The following GNA14 variants were observed in gnomAD, a reference collection of about 807,000 sequenced individuals.
GNA14 encodes G protein subunit alpha 14.
In GNA14, 50 loss-of-function variants were observed where a neutral mutation model predicts 42.0. The ratio of observed to expected loss-of-function variants is 1.19; its 90% CI spans 0.95 to 1.51. GNA14 has a LOEUF of 1.51. GNA14 is among the 40% of genes most tolerant of loss of function. The pLI is 0.00. For synonymous variants in GNA14, 173 were observed against 163.1 expected, an observed-to-expected ratio of 1.06 and a Z score of -0.46; for missense variants, 473 against 446.2, an observed-to-expected ratio of 1.06 and a Z score of -0.54.
At chr9:77,642,657 T>C (rs1824286424) in intron 1 of GNA14, among the ~76,000 whole-genome samples, 1 of 152,074 alleles carries the variant, frequency 6.6e-6, no homozygotes, top group Non-Finnish European at 1.5e-5. Context: ...TAATTCCAGC[T>C]ACTTGTGAGG....
chr9:77,454,872 T>C (rs1280803509), intron 2 of GNA14, among the ~76,000 whole-genome samples: 1 of 152,218 alleles, frequency 6.6e-6, no homozygotes, highest in Admixed American at 6.5e-5. Context: ...AATGTTTAGT[T>C]TGGGAAATGC....
At chr9:77,581,545 G>A (rs772327861) in intron 1 of GNA14, among the ~76,000 whole-genome samples, 3 of 152,266 alleles carry the variant, frequency 2.0e-5, no homozygotes, top group East Asian at 1.9e-4. Flanking sequence ...ATCCAAGTCC[G>A]AGACAACTAC....
At chr9:77,487,595 GT>G (rs1241835432) in intron 2 of GNA14, among the ~76,000 whole-genome samples, 1 of 152,150 alleles carries the variant, frequency 6.6e-6, no homozygotes, top group Admixed American at 6.5e-5. Flanking sequence ...CCATGTTGCT[GT>G]TTTAGTTATA....
chr9:77,547,595 G>C (rs1338941448), intron 1 of GNA14, among the ~76,000 whole-genome samples: 2 of 152,114 alleles, frequency 1.3e-5, no homozygotes, highest in Non-Finnish European at 2.9e-5. Context: ...GGAAAAGGCA[G>C]GATGGCACAA....
intron 2 of GNA14, among the ~76,000 whole-genome samples, chr9:77,483,919 T>C (rs986073470): frequency 2.0e-5 from 3 of 151,790 alleles, no homozygotes; most frequent in Admixed American, 6.5e-5. Flanking sequence ...AAATAAAAGA[T>C]AGTAATGCTT....
intron 2 of GNA14, among the ~76,000 whole-genome samples, chr9:77,515,960 C>CAAAAAAAAAAAAAAA (rs1158448237): frequency 0.013 from 680 of 52,716 alleles, 110 homozygotes; most frequent in East Asian, 0.028. Flanking sequence ...CCCTGTCTCA[C>CAAAAAAAAAAAAAAA]AAAAAAAAAA....
intron 2 of GNA14, among the ~76,000 whole-genome samples, chr9:77,453,971 A>G (rs528178559): frequency 1.3e-5 from 2 of 152,338 alleles, no homozygotes; most frequent in South Asian, 4.1e-4. Context: ...GTCTTGCTGC[A>G]GTTTCTGCTA....
chr9:77,619,019 G>A (rs1450272922), intron 1 of GNA14, among the ~76,000 whole-genome samples: 1 of 151,836 alleles, frequency 6.6e-6, no homozygotes, highest in African/African-American at 2.4e-5. Flanking sequence ...ATGGCTACTG[G>A]GAAGTTTAAA....
At chr9:77,519,334 C>G (rs183971707) in intron 2 of GNA14, among the ~76,000 whole-genome samples, 1 of 152,094 alleles carries the variant, frequency 6.6e-6, no homozygotes, top group Admixed American at 6.5e-5. Flanking sequence ...TCACTTGAAC[C>G]TGGGAGGTGG....
chr9:77,502,354 A>T (rs1836989995), intron 2 of GNA14, among the ~76,000 whole-genome samples: 1 of 152,174 alleles, frequency 6.6e-6, no homozygotes, highest in Admixed American at 6.5e-5. Flanking sequence ...ATTGACTCAG[A>T]CATTTTGAAT....
intron 1 of GNA14, among the ~76,000 whole-genome samples, chr9:77,645,809 C>T (rs544725200): frequency 2.3e-4 from 35 of 152,310 alleles, no homozygotes; most frequent in African/African-American, 7.7e-4. Flanking sequence ...CTGGTATATT[C>T]TGGACACTGT....
At chr9:77,569,660 TC>T (rs1405708186) in intron 1 of GNA14, among the ~76,000 whole-genome samples, 1 of 151,906 alleles carries the variant, frequency 6.6e-6, no homozygotes, top group Non-Finnish European at 1.5e-5. Flanking sequence ...CTTTGGTTTC[TC>T]CCCCGGGTTC....
In GNA14 at chr9:77,582,097, C is replaced by T. The variant is rs558238626; in HGVS notation, c.125-52844G>A. On this transcript the variant is annotated intron_variant, in intron 1 of 6. Transcript: ENST00000341700. The stretch of plus-strand genomic sequence containing the variant: ...CATTTTCATTTTCTTTCATCCACAA[C>T]CTGGATCATGTGTCCTATCATTGTA... Among the ~76,000 whole-genome samples, 174 of 152,196 alleles carry T rather than the reference C, an allele frequency of 1.1e-3. 1 individual carries two copies. Among genetic ancestry groups the T allele is most frequent in the Non-Finnish European group, 2.0e-3 (137 of 68,042 alleles).
chr9:77,558,526 A>T (rs745982693), intron 1 of GNA14, among the ~76,000 whole-genome samples: 40 of 152,288 alleles, frequency 2.6e-4, no homozygotes, highest in Middle Eastern at 3.4e-3. Context: ...CATATGACAC[A>T]GCAAAGCCAG....
At chr9:77,590,275 G>A (rs1189719363) in intron 1 of GNA14, among the ~76,000 whole-genome samples, 1 of 152,086 alleles carries the variant, frequency 6.6e-6, no homozygotes, top group African/African-American at 2.4e-5. Flanking sequence ...TTGTGATCAA[G>A]TCCTAAGAAA....
At chr9:77,546,401 C>T (rs575693991) in intron 1 of GNA14, among the ~76,000 whole-genome samples, 60 of 152,122 alleles carry the variant, frequency 3.9e-4, no homozygotes, top group African/African-American at 1.3e-3. Context: ...GCCTACTCAA[C>T]TTTTTGAGTT....
At chr9:77,429,694 T>C (rs1351689000) in intron 4 of GNA14, among the ~76,000 whole-genome samples, 2 of 152,156 alleles carry the variant, frequency 1.3e-5, no homozygotes, top group Non-Finnish European at 2.9e-5. Context: ...AAAACATACA[T>C]GGCACAACAG....
intron 1 of GNA14, among the ~76,000 whole-genome samples, chr9:77,547,017 G>A (rs752181162): frequency 6.6e-6 from 1 of 152,108 alleles, no homozygotes; most frequent in South Asian, 2.1e-4. Flanking sequence ...TGTCTTATTG[G>A]GTGTGGGGGA....
At chr9:77,445,361 C>T (rs1049996885) in intron 2 of GNA14, among the ~76,000 whole-genome samples, 1 of 152,026 alleles carries the variant, frequency 6.6e-6, no homozygotes, top group Admixed American at 6.5e-5. Context: ...AGCCCAACTC[C>T]CTCAACACCC....
Sources: gnomAD v4.1 joint callset for allele counts (sites outside exome capture counted in the v4.1 genomes callset) on GRCh38, gnomAD v4.1.1 for gene constraint, MANE v1.5 for transcripts, NCBI Gene and HGNC (gene_info 2026-07-23, HGNC 2026-07-21) for gene names.